The following RNF111 variants were observed in gnomAD, a reference collection of about 807,000 sequenced individuals.
RNF111 encodes E3 ubiquitin-protein ligase Arkadia.
A neutral mutation model predicts 95.1 loss-of-function variants in RNF111; 17 were observed. The ratio of observed to expected loss-of-function variants is 0.18; its 90% CI spans 0.12 to 0.27. The LOEUF is 0.27. Ranked by LOEUF, RNF111 falls within the 10% of genes least tolerant of loss-of-function variation. The pLI is 1.00. For missense variants in RNF111, 1,189 were observed against 1,210.4 expected, an observed-to-expected ratio of 0.98 and a Z score of 0.26; for synonymous variants, 440 against 414.8, an observed-to-expected ratio of 1.06 and a Z score of -0.74.
At chr15:58,991,075 C>G (rs772548906) in intron 1 of RNF111, among the ~76,000 whole-genome samples, 3 of 151,960 alleles carry the variant, frequency 2.0e-5, no homozygotes, top group Admixed American at 6.6e-5. Flanking sequence ...GCGGGTAGAT[C>G]ATGAGGTCGG....
intron 6 of RNF111, among the ~76,000 whole-genome samples, chr15:59,072,654 G>C (rs565979498): frequency 6.6e-6 from 1 of 151,352 alleles, no homozygotes; most frequent in South Asian, 2.1e-4. Flanking sequence ...GGGTTTCACC[G>C]TGATAGCCAC....
chr15:59,046,539 A>G (rs1158201759), intron 2 of RNF111, among the ~76,000 whole-genome samples: 1 of 152,192 alleles, frequency 6.6e-6, no homozygotes, highest in African/African-American at 2.4e-5. Flanking sequence ...GAAAAGATAA[A>G]TTTAGACCTT....
intron 2 of RNF111, among the ~76,000 whole-genome samples, chr15:59,033,768 G>A (rs2041030542): frequency 6.6e-6 from 1 of 152,170 alleles, no homozygotes; most frequent in Non-Finnish European, 1.5e-5. Flanking sequence ...AATACTTACT[G>A]TAGCGTGTGT....
intron 13 of RNF111, among the ~76,000 whole-genome samples, chr15:59,094,239 TAAGTTTAATGTGTA>T (rs1195780821): frequency 2.0e-5 from 3 of 152,216 alleles, no homozygotes; most frequent in African/African-American, 7.2e-5. Flanking sequence ...GTTATGTACT[TAAGTTTAATGTGTA>T]AAGATATTCT....
chr15:59,007,707 G>T (rs2039605448), intron 1 of RNF111, among the ~76,000 whole-genome samples: 1 of 152,118 alleles, frequency 6.6e-6, no homozygotes, highest in Admixed American at 6.5e-5. Context: ...AGTCTTATTG[G>T]GTGTGTAATG....
At chr15:59,078,477 G>C (rs2140150305) in intron 7 of RNF111, among the ~76,000 whole-genome samples, 1 of 149,934 alleles carries the variant, frequency 6.7e-6, no homozygotes, top group African/African-American at 2.5e-5. Flanking sequence ...GGAGTTCAAG[G>C]TTGTAGTGTG....
intron 1 of RNF111, among the ~76,000 whole-genome samples, chr15:59,011,579 C>G (rs1180956055): frequency 6.6e-6 from 1 of 152,160 alleles, no homozygotes; most frequent in East Asian, 1.9e-4. Flanking sequence ...TTGGTTTTTC[C>G]TGAGGCCCCT....
At chr15:59,017,190 C>G (rs564292183) in intron 1 of RNF111, among the ~76,000 whole-genome samples, 2 of 150,962 alleles carry the variant, frequency 1.3e-5, no homozygotes, top group African/African-American at 4.9e-5. Context: ...TCTACGAATC[C>G]GTTCCCTGGT....
chr15:59,083,954 C>A (rs1176408139), intron 8 of RNF111, 175 bp from the exon 9 acceptor site: 1 of 410,676 alleles, frequency 2.4e-6, no homozygotes, highest in Non-Finnish European at 3.7e-6. Context: ...GTGATGGTTT[C>A]TTGATTTATT....
chr15:59,010,216 T>C (rs2039733041), intron 1 of RNF111, among the ~76,000 whole-genome samples: 1 of 152,198 alleles, frequency 6.6e-6, no homozygotes, highest in Admixed American at 6.5e-5. Context: ...TTGATTCTTT[T>C]TGTTTTAATT....
At chr15:59,090,944 G>C in intron 11 of RNF111, 115 bp from the exon 12 acceptor site, 1 of 614,320 alleles carries the variant, frequency 1.6e-6, no homozygotes, top group Non-Finnish European at 2.9e-6. Context: ...TTTGAACACT[G>C]TATTTATATT....
intron 1 of RNF111, among the ~76,000 whole-genome samples, chr15:59,015,419 T>G (rs1170611561): frequency 6.6e-6 from 1 of 152,188 alleles, no homozygotes; most frequent in African/African-American, 2.4e-5. Context: ...ATAATATTGT[T>G]AGTCACAATT....
In RNF111 at chr15:59,059,699, G is replaced by A. The variant is rs562498690; in HGVS notation, c.1366+1149G>A. ...GCTCTTATCTCAAGCTAGTTCTTACGTTTCAATTAGCAGTGATATCTCTGG... is the reference window on the plus strand; with the variant it reads ...GCTCTTATCTCAAGCTAGTTCTTACATTTCAATTAGCAGTGATATCTCTGG... On this transcript the variant is annotated intron_variant, in intron 5 of 13. Coordinates refer to ENST00000348370, the MANE Select transcript of RNF111 (RefSeq NM_017610.8). 2.6e-4 allele frequency among the ~76,000 whole-genome samples: 39 copies of A among 152,150 alleles called. No homozygotes were observed. The South Asian group carries it at 5.0e-3, about 19-fold the overall frequency.
At chr15:59,025,299 G>A (rs943578524) in intron 1 of RNF111, among the ~76,000 whole-genome samples, 1 of 152,200 alleles carries the variant, frequency 6.6e-6, no homozygotes, top group Non-Finnish European at 1.5e-5. Context: ...TCATAATTGA[G>A]TACATTATTA....
intron 8 of RNF111, among the ~76,000 whole-genome samples, chr15:59,083,529 C>T (rs1338244221): frequency 1.3e-5 from 2 of 149,058 alleles, no homozygotes; most frequent in Non-Finnish European, 2.9e-5. Flanking sequence ...AGCTAGACTT[C>T]CTCTCCAAAA....
intron 13 of RNF111, 90 bp downstream of exon 13, chr15:59,092,730 A>C: frequency 1.3e-5 from 17 of 1,293,028 alleles, no homozygotes; most frequent in Non-Finnish European, 1.7e-5. Flanking sequence ...ATGATGGCTC[A>C]CACGTGTAAT....
Position 59,031,198 on chromosome 15 carries a change from A to G in RNF111, c.376A>G (p.Ser126Gly). 2 of 1,614,230 alleles carry G rather than the reference A, an allele frequency of 1.2e-6. No individual in the cohort carries two copies. The highest frequency in any genetic ancestry group is 2.2e-5 in the South Asian group (2 of 91,082). Residue 126 changes from serine (S) to glycine (G), a missense_variant, in exon 2 of 14, where the codon AGT (serine) becomes GGT (glycine). By Grantham distance (56) the Ser-to-Gly change is moderately conservative. This residue lies in a region of RNF111 where 1,024 missense variants were observed against 925.9 expected (regional missense o/e 1.11). Transcript: ENST00000348370. ...ACTGAGGCAACACCTAGGGACACCA[A>G]GTGATGAAGATAATGATTCCTCTTT... ...LGLRQHLGTP[S>G]DEDNDSSFSD...
intron 7 of RNF111, among the ~76,000 whole-genome samples, chr15:59,079,937 C>T (rs1263568321): frequency 2.0e-5 from 3 of 151,824 alleles, no homozygotes; most frequent in Admixed American, 1.3e-4. Context: ...TCCATATATG[C>T]AAATAATACT....
At chr15:58,996,686 C>A (rs2039091866) in intron 1 of RNF111, among the ~76,000 whole-genome samples, 1 of 106,778 alleles carries the variant, frequency 9.4e-6, no homozygotes, top group Non-Finnish European at 1.8e-5. Flanking sequence ...TTTACCCAGG[C>A]AGTTACTGTT....
Sources: allele counts gnomAD v4.1 joint callset (sites outside exome capture counted in the v4.1 genomes callset), GRCh38; gene constraint gnomAD v4.1.1; regional missense constraint gnomAD v4.1.1; transcripts MANE v1.5; gene names NCBI Gene and HGNC (gene_info 2026-07-23, HGNC 2026-07-21).